The following KIF13B variants were observed in gnomAD, a reference collection of about 807,000 sequenced individuals.
The protein encoded by KIF13B is kinesin-like protein KIF13B.
A neutral mutation model predicts 222.0 loss-of-function variants in KIF13B; 127 were observed. That is an observed-to-expected ratio of 0.57 (90% CI 0.50 to 0.66). The LOEUF (loss-of-function observed/expected upper bound fraction) is 0.66, where lower values mean the gene tolerates loss of function less well. Among genes scored for constraint, KIF13B ranks in the 30% least tolerant of loss-of-function variants. The pLI, the probability that KIF13B is intolerant of heterozygous loss-of-function variation, is 0.00. For missense variants in KIF13B, 2,173 were observed against 2,379.0 expected (o/e 0.91, Z 1.80); for synonymous variants, 976 against 919.0 (o/e 1.06, Z -1.12).
At chr8:29,250,034 T>C (rs1387682488) in intron 1 of KIF13B, 2 of 1,289,180 alleles carry the variant, frequency 1.6e-6, no homozygotes, top group African/African-American at 1.5e-5. Flanking sequence ...TTAAAACCAC[T>C]GCTTAATGGA....
At chr8:29,108,439 C>T (rs372941504) in intron 34 of KIF13B, among the ~76,000 whole-genome samples, 2 of 152,176 alleles carry the variant, frequency 1.3e-5, no homozygotes, top group East Asian at 1.9e-4. Flanking sequence ...AGGTCACAAC[C>T]GGCTGGACCT....
intron 2 of KIF13B, among the ~76,000 whole-genome samples, chr8:29,200,391 G>A (rs17456025): frequency 0.12 from 18,217 of 152,142 alleles, 1,242 homozygotes; most frequent in South Asian, 0.15. Flanking sequence ...CCAATCCAGA[G>A]AAATGTCTCA....
chr8:29,092,692 G>A (rs1056110413), intron 37 of KIF13B, 53 bp downstream of exon 37: 1 of 1,548,644 alleles, frequency 6.5e-7, no homozygotes, highest in African/African-American at 1.4e-5. Flanking sequence ...GCGCAACACA[G>A]AGCACCGCTT....
intron 35 of KIF13B, among the ~76,000 whole-genome samples, chr8:29,106,448 A>G (rs1206407412): frequency 2.0e-5 from 3 of 152,096 alleles, no homozygotes; most frequent in Non-Finnish European, 4.4e-5. Flanking sequence ...GCTGGCCAAC[A>G]TGGTGAAACC....
intron 37 of KIF13B, among the ~76,000 whole-genome samples, chr8:29,091,483 AC>A (rs1301429956): frequency 1.3e-5 from 2 of 152,244 alleles, no homozygotes; most frequent in Non-Finnish European, 2.9e-5. Flanking sequence ...AATAAGAATC[AC>A]CACAGACAGG....
At chr8:29,213,892 T>G (rs1034100244) in intron 2 of KIF13B, among the ~76,000 whole-genome samples, 1 of 151,998 alleles carries the variant, frequency 6.6e-6, no homozygotes. Context: ...AGGCGGAGGT[T>G]GCAGTGAGCC....
At chr8:29,262,787 G>A (rs1349915109) in intron 1 of KIF13B, among the ~76,000 whole-genome samples, 193 bp downstream of exon 1, 1 of 151,392 alleles carries the variant, frequency 6.6e-6, no homozygotes, top group South Asian at 2.1e-4. Flanking sequence ...GGCTGGCCAG[G>A]GGGGAAGGGA....
At chr8:29,084,903 AT>A (rs912990042) in intron 37 of KIF13B, among the ~76,000 whole-genome samples, 19 of 152,336 alleles carry the variant, frequency 1.2e-4, no homozygotes, top group African/African-American at 4.6e-4. Flanking sequence ...AAAGACAGCA[AT>A]TTTGTCAGCT....
Position 29,075,320 on chromosome 8 carries a change from C to G in KIF13B, c.4482G>C (p.Gln1494His). The change falls in exon 38 of 40, where the codon CAG becomes CAC. Residue 1494 changes from glutamine to histidine, a missense_variant. Physicochemically the swap from Gln to His is conservative, Grantham distance 24. Coordinates refer to ENST00000524189, the MANE Select transcript of KIF13B (RefSeq NM_015254.4). ...AHQPVPRIMVQSASPDIRVTR... is the reference protein window; with the variant it reads ...AHQPVPRIMVHSASPDIRVTR... ...TCACCCTGATGTCCGGGCTGGCTGA[C>G]TGCACCATGATGCGGGGCACGGGCT... 1 of 1,559,954 alleles carries G rather than the reference C, an allele frequency of 6.4e-7. No homozygotes were observed. The highest frequency in any genetic ancestry group is 8.7e-7 in the Non-Finnish European group (1 of 1,151,454).
chr8:29,075,012 TCTC>T lies in KIF13B; in HGVS notation c.4521+266_4521+268del, dbSNP rs557407161. ...AAGGAGATTGTTCTGTTTATAGAAA[TCTC>T]CTCTGCCTAGCTGTGGGCTATTAAG... On this transcript the variant is annotated intron_variant, in intron 38 of 39. Transcript: ENST00000524189. Among the ~76,000 whole-genome samples the T allele has an allele frequency of 1.1e-3, 171 of 152,318 alleles. 2 individuals are homozygous for T. Among genetic ancestry groups the T allele is most frequent in the African/African-American group, 3.7e-3 (153 of 41,568 alleles).
At chr8:29,215,415 T>C (rs1814431779) in intron 2 of KIF13B, among the ~76,000 whole-genome samples, 1 of 152,154 alleles carries the variant, frequency 6.6e-6, no homozygotes, top group Non-Finnish European at 1.5e-5. Flanking sequence ...CGACCAGGTG[T>C]GGTGGCTCAC....
chr8:29,155,037 T>A (rs1020709297), intron 14 of KIF13B, among the ~76,000 whole-genome samples: 5 of 152,212 alleles, frequency 3.3e-5, no homozygotes, highest in Non-Finnish European at 7.3e-5. Context: ...ATAACAGCTC[T>A]ATAGCTGAAG....
intron 2 of KIF13B, among the ~76,000 whole-genome samples, chr8:29,235,841 G>T (rs1362303642): frequency 6.6e-6 from 1 of 152,160 alleles, no homozygotes; most frequent in African/African-American, 2.4e-5. Flanking sequence ...AAGCTACGTT[G>T]TCATCTAAAC....
chr8:29,243,382 T>G (rs1225850852), intron 2 of KIF13B, among the ~76,000 whole-genome samples: 3 of 147,280 alleles, frequency 2.0e-5, no homozygotes, highest in African/African-American at 7.6e-5. Flanking sequence ...ACTGGCCCAG[T>G]GTGGTGGCTC....
intron 2 of KIF13B, among the ~76,000 whole-genome samples, chr8:29,228,766 G>C (rs1815154278): frequency 1.3e-5 from 2 of 152,054 alleles, no homozygotes; most frequent in South Asian, 4.1e-4. Context: ...GCAGAACCCA[G>C]TCAAAGTTTC....
At chr8:29,107,562 CTTTTTTTT>C (rs35539806) in intron 35 of KIF13B, among the ~76,000 whole-genome samples, 31 of 134,816 alleles carry the variant, frequency 2.3e-4, no homozygotes, top group Non-Finnish European at 4.2e-4. Context: ...TTTGAAGTTT[CTTTTTTTT>C]TTTTTTTTTG....
intron 2 of KIF13B, among the ~76,000 whole-genome samples, chr8:29,241,678 C>T (rs1378518117): frequency 7.1e-6 from 1 of 140,514 alleles, no homozygotes; most frequent in African/African-American, 2.7e-5. Flanking sequence ...CTGTGCTTTT[C>T]ATCACCACGC....
intron 3 of KIF13B, among the ~76,000 whole-genome samples, chr8:29,194,129 T>A (rs1813312850): frequency 6.6e-6 from 1 of 151,916 alleles, no homozygotes. Flanking sequence ...CGGCCCTAAA[T>A]TTTTACTTTT....
chr8:29,081,221 GA>G (rs764340546), intron 37 of KIF13B, among the ~76,000 whole-genome samples: 5 of 152,142 alleles, frequency 3.3e-5, no homozygotes, highest in African/African-American at 4.8e-5. Flanking sequence ...TTTCTCAACG[GA>G]AAGCTCAGTT....
Sources: gnomAD v4.1 joint callset for allele counts (sites outside exome capture counted in the v4.1 genomes callset) on GRCh38, gnomAD v4.1.1 for gene constraint, MANE v1.5 for transcripts, NCBI Gene and HGNC (gene_info 2026-07-23, HGNC 2026-07-21) for gene names.